The following UBAP2 variants were observed in gnomAD, a reference collection of about 807,000 sequenced individuals.
The protein encoded by UBAP2 is ubiquitin associated protein 2, also known as ubiquitin-associated protein 2.
A neutral mutation model predicts 139.6 loss-of-function variants in UBAP2; 75 were observed. The ratio of observed to expected loss-of-function variants is 0.54; its 90% confidence interval spans 0.45 to 0.65. The LOEUF (loss-of-function observed/expected upper bound fraction) is 0.65, where lower values mean the gene tolerates loss of function less well. Among genes scored for constraint, UBAP2 ranks in the 30% least tolerant of loss-of-function variants. The probability of loss-of-function intolerance (pLI) is 0.00; values close to 1 mark genes in which losing one functional copy is unlikely to be tolerated. For synonymous variants in UBAP2, 526 were observed against 526.2 expected (o/e 1.00, Z 0.01); for missense variants, 1,368 against 1,369.6 (o/e 1.00, Z 0.02).
chr9:34,004,011 C>T (rs938814949), intron 2 of UBAP2, among the ~76,000 whole-genome samples: 1 of 152,128 alleles, frequency 6.6e-6, no homozygotes, highest in South Asian at 2.1e-4. Context: ...TGAGCCACCA[C>T]GCCCAGCCCC....
chr9:34,001,146 A>G (rs1564056226), intron 2 of UBAP2, among the ~76,000 whole-genome samples: 1 of 152,234 alleles, frequency 6.6e-6, no homozygotes, highest in African/African-American at 2.4e-5. Context: ...GCATTTCCAC[A>G]TTATACATTT....
intron 5 of UBAP2, among the ~76,000 whole-genome samples, chr9:33,987,369 C>G (rs2131138495): frequency 6.6e-6 from 1 of 152,174 alleles, no homozygotes; most frequent in Non-Finnish European, 1.5e-5. Flanking sequence ...CCGAGATCTC[C>G]TCACTGCACT....
intron 1 of UBAP2, among the ~76,000 whole-genome samples, chr9:34,043,386 C>T (rs910784707): frequency 1.3e-5 from 2 of 152,176 alleles, no homozygotes; most frequent in Admixed American, 6.6e-5. Context: ...AAGCTGCTCT[C>T]CAACTCCTGG....
chr9:34,040,323 CAAAAAAAA>C (rs56317641), intron 1 of UBAP2, among the ~76,000 whole-genome samples: 2 of 88,860 alleles, frequency 2.3e-5, no homozygotes, highest in Non-Finnish European at 4.1e-5. Context: ...GACTCTGTCT[CAAAAAAAA>C]AAAAAAAAAA....
chr9:34,011,393 G>A (rs12555291), intron 2 of UBAP2, among the ~76,000 whole-genome samples: 53,176 of 151,848 alleles, frequency 0.35, 9,471 homozygotes, highest in Middle Eastern at 0.45. Context: ...AAAAGGGATA[G>A]ACAGACTACT....
At chr9:34,022,893 C>G (rs1461838723) in intron 1 of UBAP2, among the ~76,000 whole-genome samples, 1 of 152,098 alleles carries the variant, frequency 6.6e-6, no homozygotes, top group East Asian at 1.9e-4. Flanking sequence ...ATTGGATTAT[C>G]TGATCTTTTT....
intron 20 of UBAP2, among the ~76,000 whole-genome samples, chr9:33,927,410 G>T (rs1823540779): frequency 6.6e-6 from 1 of 152,218 alleles, no homozygotes; most frequent in South Asian, 2.1e-4. Context: ...GCCATGCAGT[G>T]CCAGGAGAGG....
intron 1 of UBAP2, among the ~76,000 whole-genome samples, chr9:34,048,388 A>G (rs571727892): frequency 2.6e-5 from 4 of 152,324 alleles, no homozygotes; most frequent in Non-Finnish European, 5.9e-5. Flanking sequence ...AGTTGGGGCT[A>G]TAACAGGGCC....
chr9:34,025,614 T>C (rs1312508657), intron 1 of UBAP2, among the ~76,000 whole-genome samples: 1 of 152,054 alleles, frequency 6.6e-6, no homozygotes, highest in Admixed American at 6.6e-5. Flanking sequence ...AGTGAAAAAA[T>C]TGTCTAAATG....
chr9:33,975,991 G>A (rs1353361350), intron 6 of UBAP2, among the ~76,000 whole-genome samples: 1 of 152,082 alleles, frequency 6.6e-6, no homozygotes, highest in Non-Finnish European at 1.5e-5. Context: ...CAAGGCAGGA[G>A]GATCGCTTGA....
chr9:34,007,695 G>A (rs1402116458), intron 2 of UBAP2, among the ~76,000 whole-genome samples: 1 of 149,764 alleles, frequency 6.7e-6, no homozygotes, highest in African/African-American at 2.5e-5. Context: ...CTGGAGTGCA[G>A]TGGAGTGATC....
chr9:33,981,665 T>C (rs933727000), intron 6 of UBAP2, among the ~76,000 whole-genome samples: 5 of 151,926 alleles, frequency 3.3e-5, no homozygotes, highest in Non-Finnish European at 7.4e-5. Context: ...GAAATTATTT[T>C]TTAAATACAT....
At chr9:33,955,375 C>T (rs563893690) in intron 11 of UBAP2, among the ~76,000 whole-genome samples, 2 of 151,866 alleles carry the variant, frequency 1.3e-5, no homozygotes, top group African/African-American at 2.4e-5. Flanking sequence ...AAAAATTAGC[C>T]GGGCGTGGTG....
chr9:34,024,601 C>A (rs1825248716), intron 1 of UBAP2, among the ~76,000 whole-genome samples: 1 of 148,788 alleles, frequency 6.7e-6, no homozygotes, highest in Non-Finnish European at 1.5e-5. Flanking sequence ...GGGGATGTGA[C>A]TGAAATCTTC....
chr9:34,042,272 T>G (rs1006415077), intron 1 of UBAP2, among the ~76,000 whole-genome samples: 1 of 149,366 alleles, frequency 6.7e-6, no homozygotes, highest in African/African-American at 2.5e-5. Context: ...AGGTCAGGAG[T>G]TTGAGACCAG....
rs1291271913 is a variant in UBAP2 at position 33,948,529 on chromosome 9, G to C, written c.1115C>G (p.Thr372Ser). 1 of 1,614,152 alleles carries C rather than the reference G, an allele frequency of 6.2e-7. No individual in the cohort carries two copies. Among genetic ancestry groups the C allele is most frequent in the Admixed American group, 1.7e-5 (1 of 60,010 alleles). Reference protein sequence around the residue: ...ELAPPKMANITSSQILDQLKA... With the variant: ...ELAPPKMANISSSQILDQLKA... The stretch of plus-strand genomic sequence containing the variant: ...CAACTGGTCCAAAATCTGGGAGCTG[G>C]TGATGTTTGCCATTTTTGGTGGTGC... The change falls in exon 13 of 29, where the codon ACC becomes AGC. Residue 372 changes from threonine to serine, a missense_variant. Coordinates refer to ENST00000379238, the MANE Select transcript of UBAP2 (RefSeq NM_001370062.2).
chr9:33,933,583 G>A lies in UBAP2; in HGVS notation c.2015C>T (p.Ser672Phe). The A allele has an allele frequency of 6.2e-7, 1 of 1,614,060 alleles. No homozygotes were observed. Among genetic ancestry groups the A allele is most frequent in the Non-Finnish European group, 8.5e-7 (1 of 1,180,028 alleles). The change falls in exon 18 of 29, where the codon TCC (serine) becomes TTC (phenylalanine). Residue 672 changes from serine (S) to phenylalanine (F), a missense_variant. Coordinates refer to ENST00000379238, the MANE Select transcript of UBAP2 (RefSeq NM_001370062.2). ...GPPSALPSVS[S>F]LPSTTSCTAL... is the part of the protein sequence containing the mutation. ...AGTGCAGGAGGTGGTGCTGGGCAGG[G>A]AGCTCACAGACGGGAGGGCAGAGGG...
chr9:34,021,312 T>G (rs12236865), intron 1 of UBAP2, among the ~76,000 whole-genome samples: 1 of 152,232 alleles, frequency 6.6e-6, no homozygotes, highest in East Asian at 1.9e-4. Flanking sequence ...TACATTATAG[T>G]AACAACCAAT....
intron 1 of UBAP2, among the ~76,000 whole-genome samples, chr9:34,028,993 G>A (rs907593927): frequency 5.3e-5 from 8 of 151,932 alleles, no homozygotes; most frequent in African/African-American, 1.9e-4. Flanking sequence ...GCGCACACCT[G>A]GAATCCCACC....
Sources: allele counts gnomAD v4.1 joint callset (sites outside exome capture counted in the v4.1 genomes callset), GRCh38; gene constraint gnomAD v4.1.1; transcripts MANE v1.5; gene names NCBI Gene and HGNC (gene_info 2026-07-23, HGNC 2026-07-21).